LILRA2: variants seen among roughly 807,000 people sequenced by gnomAD.
LILRA2 encodes leukocyte immunoglobulin-like receptor subfamily A member 2.
LILRA2 carries 45 observed loss-of-function variants against 47.9 expected under a neutral mutation model. The observed-to-expected ratio is 0.94, with a 90% confidence interval of 0.74 to 1.20. The LOEUF is 1.20. Ranked by LOEUF, LILRA2 falls within the 50% of genes most tolerant of loss-of-function variation. The probability of loss-of-function intolerance (pLI) is 0.00; values close to 1 mark genes in which losing one functional copy is unlikely to be tolerated. For synonymous variants in LILRA2, 279 were observed against 249.2 expected (o/e 1.12, Z -1.13); for missense variants, 651 against 598.2 (o/e 1.09, Z -0.92).
In LILRA2 at chr19:54,589,900, A is replaced by G. The variant is rs1311113480; in HGVS notation, c.*2554A>G. The G allele has an allele frequency of 6.6e-6, 1 of 151,864 alleles. No homozygotes were observed. Among genetic ancestry groups the G allele is most frequent in the East Asian group, 1.9e-4 (1 of 5,190 alleles). 9.4% of individuals were successfully genotyped at this position (151,864 alleles called of 1,614,324 possible). On this transcript the variant is annotated 3_prime_UTR_variant, in exon 8 of 8. Coordinates refer to ENST00000391738, the MANE Select transcript of LILRA2 (RefSeq NM_001130917.3). The stretch of plus-strand genomic sequence containing the variant: ...TGAGCCCCCGATCATTTTTTCTACC[A>G]CTTTTCAGTCCTGGGAAACTCAGTC...
At chr19:54,581,654 G>A (rs1159376957) in intron 6 of LILRA2, among the ~76,000 whole-genome samples, 1 of 151,472 alleles carries the variant, frequency 6.6e-6, no homozygotes, top group African/African-American at 2.4e-5. Flanking sequence ...CACTGCTCAA[G>A]GAAATAAAAG....
rs199988092 is a variant in LILRA2, at chr19:54,587,249, G to C, written c.1355G>C (p.Arg452Pro). The change falls in exon 8 of 8, where the codon CGC (arginine) becomes CCC (proline). Residue 452 changes from arginine to proline, a missense_variant. Physicochemically the swap from Arg to Pro is moderately radical, Grantham distance 103 (BLOSUM62 -2). Transcript: ENST00000391738. Reference protein sequence around the residue: ...PQDYTVENLIRMGVAGLVLVV... With the variant: ...PQDYTVENLIPMGVAGLVLVV... ...GATTACACAGTGGAGAATCTCATCC[G>C]CATGGGTGTGGCTGGCTTGGTCCTG... 16 of 1,613,946 alleles carry C rather than the reference G, an allele frequency of 9.9e-6. No individual in the cohort carries two copies. The Admixed American group carries it at 1.3e-4, about 13-fold the overall frequency.
In LILRA2 at chr19:54,577,189, G is replaced by A. The variant is rs573463352; in HGVS notation, c.1255+1080G>A. Reference sequence around the variant, plus strand: ...GTTTACAAAACCCCGCTGGTTGAGAGTCTCCCCTCTCTCGTGTACAAGAGA... The same window carrying A: ...GTTTACAAAACCCCGCTGGTTGAGAATCTCCCCTCTCTCGTGTACAAGAGA... On this transcript the variant is annotated intron_variant, in intron 6 of 7. Transcript: ENST00000391738. Among the ~76,000 whole-genome samples, 299 of 87,388 alleles carry A rather than the reference G, an allele frequency of 3.4e-3. No individual in the cohort carries two copies. In the South Asian group the frequency reaches 0.071, roughly 21 times the overall value. 57.3% of individuals were successfully genotyped at this position (87,388 alleles called of 152,430 possible).
intron 6 of LILRA2, among the ~76,000 whole-genome samples, chr19:54,581,937 G>A (rs2062649994): frequency 6.6e-6 from 1 of 152,196 alleles, no homozygotes; most frequent in Non-Finnish European, 1.5e-5. Context: ...TTATTATTTT[G>A]AGATATGTTC....
chr19:54,574,033 C>A (rs775321068), intron 1 of LILRA2, 43 bp from the exon 2 acceptor site: 1 of 1,614,130 alleles, frequency 6.2e-7, no homozygotes, highest in Admixed American at 1.7e-5. Flanking sequence ...AGGACCTGCC[C>A]AGGCTTCAGG....
chr19:54,588,156 A>G lies in LILRA2; in HGVS notation c.*810A>G, dbSNP rs1252161480. On this transcript the variant is annotated 3_prime_UTR_variant, in exon 8 of 8. Transcript: ENST00000391738. Reference sequence around the variant, plus strand: ...CACATCCCACTGAGAGCTCACCCATATACCTACAGTCCTTTCTATTTCAGA... The same window carrying G: ...CACATCCCACTGAGAGCTCACCCATGTACCTACAGTCCTTTCTATTTCAGA... 1 of 152,252 alleles carries G rather than the reference A, an allele frequency of 6.6e-6. No individual in the cohort carries two copies. Among genetic ancestry groups the G allele is most frequent in the Non-Finnish European group, 1.5e-5 (1 of 68,064 alleles). The allele number at this position is 152,252 out of a possible 1,614,324, so 9.4% of individuals were successfully genotyped here.
Position 54,575,702 on chromosome 19 carries a change from A to G in LILRA2, c.953-105A>G, listed in dbSNP as rs577052011. On this transcript the variant is annotated intron_variant, in intron 5 of 7. Coordinates refer to ENST00000391738, the MANE Select transcript of LILRA2 (RefSeq NM_001130917.3). ...GGGGATGGGCGGGGAGGGGAGACTC[A>G]GAGAAAACAGAGACAGAGAGACTAA... is the stretch of plus-strand genomic sequence containing the variant. 3.1e-4 allele frequency: 486 copies of G among 1,577,526 alleles called. No homozygotes were observed. The African/African-American group carries it at 5.7e-3, about 18-fold the overall frequency.
chr19:54,587,423 G>T lies in LILRA2; in HGVS notation c.*77G>T. On this transcript the variant is annotated 3_prime_UTR_variant, in exon 8 of 8. Transcript: ENST00000391738. ...TCTGATGATCCCAGGAGGCTCTGGA[G>T]GACAATCTAGGACCTACATTATCTG... 1 of 1,587,670 alleles carries T rather than the reference G, an allele frequency of 6.3e-7. No individual in the cohort carries two copies. The highest frequency in any genetic ancestry group is 8.6e-7 in the Non-Finnish European group (1 of 1,165,804).
rs2062886658 is a variant in LILRA2 at position 54,589,299 on chromosome 19, T to C, written c.*1953T>C. ...ATATTAGGGGGAACAAGTCAATTTA[T>C]GACAGTGTCTACAAGAAAAGTATGC... On this transcript the variant is annotated 3_prime_UTR_variant, in exon 8 of 8. Coordinates refer to ENST00000391738, the MANE Select transcript of LILRA2 (RefSeq NM_001130917.3). 6.6e-6 allele frequency: 1 copy of C among 152,186 alleles called. No individual in the cohort carries two copies. The highest frequency in any genetic ancestry group is 2.1e-4 in the South Asian group (1 of 4,808). 9.4% of individuals were successfully genotyped at this position (152,186 alleles called of 1,614,324 possible).
rs2145968705 is a variant in LILRA2, at chr19:54,575,573, A to G, written c.952+21A>G. The G allele has an allele frequency of 2.5e-6, 4 of 1,609,328 alleles. No individual in the cohort carries two copies. In the East Asian group the frequency reaches 8.9e-5, roughly 36 times the overall value. ...CACAGGTGAGGAGCCCAGCGGGTTCAGTCAGGGACCCAGGCTCTGCACAGG... is the reference window on the plus strand; with the variant it reads ...CACAGGTGAGGAGCCCAGCGGGTTCGGTCAGGGACCCAGGCTCTGCACAGG... On this transcript the variant is annotated intron_variant, in intron 5 of 7. Coordinates refer to ENST00000391738, the MANE Select transcript of LILRA2 (RefSeq NM_001130917.3).
chr19:54,584,171 G>A (rs1417676684), intron 6 of LILRA2, among the ~76,000 whole-genome samples: 1 of 152,134 alleles, frequency 6.6e-6, no homozygotes, highest in Non-Finnish European at 1.5e-5. Context: ...TTCTTTTTGG[G>A]TAACCAGACC....
chr19:54,576,241 G>A, intron 6 of LILRA2, 132 bp downstream of exon 6: 1 of 1,144,332 alleles, frequency 8.7e-7, no homozygotes, highest in Non-Finnish European at 1.2e-6. Flanking sequence ...CAGCCCATGG[G>A]AGAGTGGAAA....
In LILRA2 at chr19:54,586,450, A is replaced by G. The variant is rs576440356; in HGVS notation, c.1256-560A>G. Among the ~76,000 whole-genome samples the G allele has an allele frequency of 2.9e-3, 446 of 152,052 alleles. No individual in the cohort carries two copies. In the South Asian group the frequency reaches 0.062, roughly 21 times the overall value. Reference sequence around the variant, plus strand: ...GCCTGTATGAGGAATTAGTTACCTAAGGATTAAACGGAAGATGAAACCCCA... The same window carrying G: ...GCCTGTATGAGGAATTAGTTACCTAGGGATTAAACGGAAGATGAAACCCCA... On this transcript the variant is annotated intron_variant, in intron 6 of 7. Coordinates refer to ENST00000391738, the MANE Select transcript of LILRA2 (RefSeq NM_001130917.3).
intron 6 of LILRA2, chr19:54,577,589 T>C (rs934015330): frequency 1.6e-6 from 2 of 1,289,730 alleles, no homozygotes; most frequent in Non-Finnish European, 2.0e-6. Context: ...ACCCCAGATG[T>C]GCTCCTTTAG....
chr19:54,575,584 C>T lies in LILRA2; in HGVS notation c.952+32C>T. On this transcript the variant is annotated intron_variant, in intron 5 of 7. Transcript: ENST00000391738. ...AGCCCAGCGGGTTCAGTCAGGGACC[C>T]AGGCTCTGCACAGGCCCTGCCAGGG... 3 of 1,608,622 alleles carry T rather than the reference C, an allele frequency of 1.9e-6. No individual in the cohort carries two copies. The South Asian group carries it at 3.3e-5, about 18-fold the overall frequency.
intron 6 of LILRA2, chr19:54,577,659 C>G (rs1255132589): frequency 1.9e-5 from 25 of 1,289,376 alleles, no homozygotes; most frequent in Non-Finnish European, 2.4e-5. Flanking sequence ...CACCTGGAGG[C>G]CTCTGTGCTC....
intron 7 of LILRA2, 53 bp downstream of exon 7, chr19:54,587,113 G>A: frequency 1.2e-6 from 2 of 1,611,098 alleles, no homozygotes; most frequent in Non-Finnish European, 1.7e-6. Context: ...GTCAGGTCCT[G>A]TAAAGGGGAG....
chr19:54,578,161 G>A (rs2062532297), intron 6 of LILRA2, among the ~76,000 whole-genome samples: 1 of 151,332 alleles, frequency 6.6e-6, no homozygotes, highest in Non-Finnish European at 1.5e-5. Context: ...TTAAGTTCCA[G>A]GGTACATGTG....
chr19:54,573,627 C>T (rs143490873), upstream of LILRA2: 2,062 of 843,890 alleles, frequency 2.4e-3, 30 homozygotes, highest in African/African-American at 0.031. Flanking sequence ...CAGACAGTGG[C>T]TGGGGGGCAG....
Sources: gnomAD v4.1 joint callset for allele counts (sites outside exome capture counted in the v4.1 genomes callset) on GRCh38, gnomAD v4.1.1 for gene constraint, MANE v1.5 for transcripts, NCBI Gene and HGNC (gene_info 2026-07-23, HGNC 2026-07-21) for gene names.